Variants in MAEL observed in about 807,000 individuals in gnomAD.
MAEL encodes the protein protein maelstrom homolog.
In MAEL, 46 loss-of-function variants were observed where a neutral mutation model predicts 62.0. The ratio of observed to expected loss-of-function variants is 0.74; its 90% CI spans 0.59 to 0.95. The LOEUF is 0.95. MAEL is among the 40% of genes least tolerant of loss of function. The probability of loss-of-function intolerance (pLI) is 0.00; values close to 1 mark genes in which losing one functional copy is unlikely to be tolerated. For missense variants in MAEL, 497 were observed against 526.8 expected, an observed-to-expected ratio of 0.94 and a Z score of 0.55; for synonymous variants, 172 against 175.5, an observed-to-expected ratio of 0.98 and a Z score of 0.16.
At chr1:167,009,618 A>C (rs544771210) in intron 8 of MAEL, among the ~76,000 whole-genome samples, 48 of 151,004 alleles carry the variant, frequency 3.2e-4, no homozygotes, top group African/African-American at 1.0e-3. Context: ...TCATAGTTTA[A>C]TGTTAGTTTT....
intron 5 of MAEL, among the ~76,000 whole-genome samples, chr1:166,994,597 T>C (rs1375082725): frequency 1.3e-5 from 2 of 152,088 alleles, no homozygotes; most frequent in East Asian, 1.9e-4. Context: ...TCGGAATAGG[T>C]TTATTTTTAA....
At chr1:166,997,097 C>T (rs916305407) in intron 5 of MAEL, among the ~76,000 whole-genome samples, 1 of 152,158 alleles carries the variant, frequency 6.6e-6, no homozygotes, top group Non-Finnish European at 1.5e-5. Context: ...AAGTGCTGGG[C>T]TTACAGGCGT....
At chr1:167,020,012 A>G (rs1665556618) in intron 10 of MAEL, among the ~76,000 whole-genome samples, 1 of 152,000 alleles carries the variant, frequency 6.6e-6, no homozygotes, top group Admixed American at 6.6e-5. Context: ...TCATAATCTC[A>G]ATTTCAAACA....
chr1:167,004,453 A>G (rs1664805887), intron 6 of MAEL, 149 bp downstream of exon 6: 1 of 672,812 alleles, frequency 1.5e-6, no homozygotes. Flanking sequence ...GTAATTAGGT[A>G]TAGTGCCTAT....
At chr1:167,019,889 A>G (rs1038542941) in intron 10 of MAEL, among the ~76,000 whole-genome samples, 3 of 151,024 alleles carry the variant, frequency 2.0e-5, no homozygotes, top group African/African-American at 7.3e-5. Flanking sequence ...ATTTATTTCA[A>G]TTTCCCTACA....
intron 1 of MAEL, among the ~76,000 whole-genome samples, chr1:166,979,352 A>T (rs1663689877): frequency 7.2e-6 from 1 of 138,592 alleles, no homozygotes; most frequent in Non-Finnish European, 1.6e-5. Flanking sequence ...ATCCTCAATG[A>T]ATTATAAGTT....
At chr1:166,985,411 A>C (rs1663883022), upstream of MAEL, among the ~76,000 whole-genome samples, 1 of 152,172 alleles carries the variant, frequency 6.6e-6, no homozygotes, top group African/African-American at 2.4e-5. Flanking sequence ...AAAAAACTAC[A>C]CAGAGCCAAA....
intron 5 of MAEL, 90 bp from the exon 6 acceptor site, chr1:167,004,090 A>C: frequency 8.8e-7 from 1 of 1,133,400 alleles, no homozygotes; most frequent in Non-Finnish European, 1.3e-6. Flanking sequence ...TGTGTTACCC[A>C]CTACTCTCTT....
intron 9 of MAEL, among the ~76,000 whole-genome samples, chr1:167,016,895 T>G (rs1665418316): frequency 6.6e-6 from 1 of 152,072 alleles, no homozygotes; most frequent in African/African-American, 2.4e-5. Flanking sequence ...AAAATAAACA[T>G]CTCATGTGCT....
chr1:167,002,027 C>A (rs1357013977), intron 5 of MAEL, among the ~76,000 whole-genome samples: 1 of 152,162 alleles, frequency 6.6e-6, no homozygotes, highest in African/African-American at 2.4e-5. Context: ...GTGGTCTGCC[C>A]ACCTTAGCCT....
At chr1:166,980,811 C>T (rs977381544) in intron 1 of MAEL, among the ~76,000 whole-genome samples, 1 of 152,076 alleles carries the variant, frequency 6.6e-6, no homozygotes, top group Non-Finnish European at 1.5e-5. Context: ...CTTCCTACAG[C>T]CAAAAGGCTA....
At chr1:167,014,937 T>C (rs903161748) in intron 8 of MAEL, among the ~76,000 whole-genome samples, 5 of 152,162 alleles carry the variant, frequency 3.3e-5, no homozygotes, top group African/African-American at 4.8e-5. Context: ...GCACGAGTTA[T>C]CATTTGAACC....
At chr1:166,996,022 C>T (rs1426527604) in intron 5 of MAEL, among the ~76,000 whole-genome samples, 1 of 152,062 alleles carries the variant, frequency 6.6e-6, no homozygotes, top group African/African-American at 2.4e-5. Flanking sequence ...TTTCTCATTC[C>T]AGGAAACTTA....
chr1:167,007,036 C>G (rs1222952404), intron 8 of MAEL, among the ~76,000 whole-genome samples: 1 of 151,690 alleles, frequency 6.6e-6, no homozygotes, highest in Admixed American at 6.6e-5. Context: ...GTATCAAGTG[C>G]TGATTTTTGC....
At chr1:166,999,298 C>G (rs185138886) in intron 5 of MAEL, among the ~76,000 whole-genome samples, 1 of 152,144 alleles carries the variant, frequency 6.6e-6, no homozygotes, top group African/African-American at 2.4e-5. Context: ...ATGTACTACT[C>G]CAGTGAACAA....
chr1:167,011,978 A>G (rs1329957209), intron 8 of MAEL, among the ~76,000 whole-genome samples: 2 of 152,174 alleles, frequency 1.3e-5, no homozygotes, highest in African/African-American at 4.8e-5. Flanking sequence ...GATTTTGTTA[A>G]AGGTAAAACT....
intron 8 of MAEL, among the ~76,000 whole-genome samples, chr1:167,014,946 C>A (rs1382848693): frequency 6.6e-6 from 1 of 152,134 alleles, no homozygotes; most frequent in Non-Finnish European, 1.5e-5. Context: ...ATCATTTGAA[C>A]CCTGGAGGTG....
At chr1:167,017,330 C>A (rs1254743421) in intron 9 of MAEL, among the ~76,000 whole-genome samples, 1 of 152,080 alleles carries the variant, frequency 6.6e-6, no homozygotes, top group African/African-American at 2.4e-5. Flanking sequence ...TATTTTCTAT[C>A]CATGTCACCT....
intron 9 of MAEL, among the ~76,000 whole-genome samples, chr1:167,017,439 C>T (rs566800737): frequency 6.6e-6 from 1 of 152,232 alleles, no homozygotes; most frequent in South Asian, 2.1e-4. Context: ...GTACCGGGAG[C>T]CCCAGATAAC....
Sources: gnomAD v4.1 joint callset for allele counts (sites outside exome capture counted in the v4.1 genomes callset) on GRCh38, gnomAD v4.1.1 for gene constraint, MANE v1.5 for transcripts, NCBI Gene and HGNC (gene_info 2026-07-23, HGNC 2026-07-21) for gene names.